The following TMPRSS3 variants were observed in gnomAD, a reference collection of about 807,000 sequenced individuals.
The protein encoded by TMPRSS3 is transmembrane protease serine 3.
A neutral mutation model predicts 59.6 loss-of-function variants in TMPRSS3; 55 were observed. The observed-to-expected ratio is 0.92, with a 90% CI of 0.74 to 1.16. TMPRSS3 has a LOEUF of 1.16. Among genes scored for constraint, TMPRSS3 ranks in the 50% most tolerant of loss-of-function variants. TMPRSS3 has a pLI of 0.00. For missense variants in TMPRSS3, 596 were observed against 579.4 expected, an observed-to-expected ratio of 1.03 and a Z score of -0.29; for synonymous variants, 257 against 237.7, an observed-to-expected ratio of 1.08 and a Z score of -0.75.
intron 10 of TMPRSS3, among the ~76,000 whole-genome samples, chr21:42,378,020 G>C (rs904637724): frequency 2.0e-5 from 3 of 152,220 alleles, no homozygotes; most frequent in Non-Finnish European, 4.4e-5. Flanking sequence ...TGGTTGGTCC[G>C]GAATGAGAGC....
At chr21:42,379,763 G>T (rs55845502) in intron 10 of TMPRSS3, among the ~76,000 whole-genome samples, 2 of 152,056 alleles carry the variant, frequency 1.3e-5, no homozygotes, top group African/African-American at 4.8e-5. Flanking sequence ...TCACAAATAC[G>T]AATCTTTGAG....
At chr21:42,380,458 A>G (rs771777135) in intron 9 of TMPRSS3, among the ~76,000 whole-genome samples, 1 of 152,202 alleles carries the variant, frequency 6.6e-6, no homozygotes, top group East Asian at 1.9e-4. Context: ...GACCAGGGTC[A>G]GCACACCTTT....
In TMPRSS3 at chr21:42,388,612, A is replaced by G; in HGVS notation, c.323-86T>C. The G allele has an allele frequency of 6.3e-7, 1 of 1,599,086 alleles. No homozygotes were observed. The highest frequency in any genetic ancestry group is 8.6e-7 in the Non-Finnish European group (1 of 1,169,296). The stretch of plus-strand genomic sequence containing the variant: ...AGGGGTTTCTCCACAGCCAGCTCAA[A>G]CCCCTCCTCTGCCAAATCTGACCCA... On this transcript the variant is annotated intron_variant, in intron 4 of 12. Coordinates refer to ENST00000644384, the MANE Select transcript of TMPRSS3 (RefSeq NM_001256317.3). The surrounding 1 kb of genome is among the most constrained non-coding windows in gnomAD (Gnocchi z 5.1).
intron 12 of TMPRSS3, among the ~76,000 whole-genome samples, chr21:42,373,179 G>A (rs992734893): frequency 4.6e-5 from 7 of 152,144 alleles, no homozygotes; most frequent in African/African-American, 9.7e-5. Context: ...ACACTTCCCC[G>A]CAAGACAGTG....
At chr21:42,392,245 A>T (rs225313) in intron 2 of TMPRSS3, among the ~76,000 whole-genome samples, 54,197 of 152,060 alleles carry the variant, frequency 0.36, 10,682 homozygotes, top group African/African-American at 0.53. Context: ...GGAGTGTGAT[A>T]ATGAAATGAT....
At chr21:42,384,131 A>T in intron 6 of TMPRSS3, 118 bp from the exon 7 acceptor site, 2 of 925,826 alleles carry the variant, frequency 2.2e-6, no homozygotes, top group Non-Finnish European at 3.3e-6. Flanking sequence ...CTCTTTGAAT[A>T]TAGATTACAA....
At chr21:42,378,382 T>G (rs2052464680) in intron 10 of TMPRSS3, among the ~76,000 whole-genome samples, 1 of 152,246 alleles carries the variant, frequency 6.6e-6, no homozygotes, top group Non-Finnish European at 1.5e-5. Context: ...TACCTGCCAC[T>G]ATGGAGCCCA....
Position 42,375,698 on chromosome 21 carries a change from G to A in TMPRSS3, c.1344+18C>T. The A allele has an allele frequency of 6.2e-7, 1 of 1,613,664 alleles. No individual in the cohort carries two copies. On this transcript the variant is annotated intron_variant, in intron 12 of 12. Coordinates refer to ENST00000644384, the MANE Select transcript of TMPRSS3 (RefSeq NM_001256317.3). ...AAAAGCCAGGGACAACGTGAGCTGG[G>A]GAGGGCGCCGCACCCACCTCCATCT...
Position 42,384,005 on chromosome 21 carries a change from C to A in TMPRSS3, c.581G>T (p.Cys194Phe), listed in dbSNP as rs1333651774. Residue 194 changes from cysteine to phenylalanine, a missense_variant, in exon 7 of 13, where the codon TGT (cysteine) becomes TTT (phenylalanine). Coordinates refer to ENST00000644384, the MANE Select transcript of TMPRSS3 (RefSeq NM_001256317.3). ...LHHSVYVREG[C>F]ASGHVVTLQC... ...CAAGGTAACCACGTGGCCAGAGGCACATCCCTCCCTAAAGCGGAGAAAAAG... is the reference window on the plus strand; with the variant it reads ...CAAGGTAACCACGTGGCCAGAGGCAAATCCCTCCCTAAAGCGGAGAAAAAG... The A allele has an allele frequency of 3.7e-6, 6 of 1,613,934 alleles. No homozygotes were observed. The South Asian group carries it at 4.4e-5, about 12-fold the overall frequency.
At chr21:42,392,763 C>T (rs1325279668) in intron 2 of TMPRSS3, among the ~76,000 whole-genome samples, 22 of 152,186 alleles carry the variant, frequency 1.4e-4, no homozygotes, top group Admixed American at 1.4e-3. Context: ...GCAGGAACCC[C>T]AGGAATGACA....
intron 7 of TMPRSS3, chr21:42,383,653 C>G: frequency 1.7e-6 from 1 of 588,478 alleles, no homozygotes; most frequent in East Asian, 3.2e-5. Context: ...CTGGAGTGGG[C>G]ACTGTGCACG....
chr21:42,372,455 G>A lies in TMPRSS3; in HGVS notation c.*307C>T. 1.8e-6 allele frequency: 1 copy of A among 553,858 alleles called. No individual in the cohort carries two copies. The allele number at this position is 553,858 out of a possible 1,614,324, so 34.3% of individuals were successfully genotyped here. A position where few individuals can be genotyped will look rare whatever the true frequency, so the allele number is the denominator to read the frequency against. ...GGCACCTGTGGTCCCAGCTACTGGG[G>A]AAGCTGAGGCAAGAGAATCGCTTGA... On this transcript the variant is annotated 3_prime_UTR_variant, in exon 13 of 13. Coordinates refer to ENST00000644384, the MANE Select transcript of TMPRSS3 (RefSeq NM_001256317.3).
chr21:42,383,331 A>G, intron 7 of TMPRSS3, 133 bp from the exon 8 acceptor site: 1 of 968,658 alleles, frequency 1.0e-6, no homozygotes, highest in Admixed American at 2.0e-5. Context: ...CAGCTCTAAG[A>G]CAAGTGCTGC....
chr21:42,389,581 G>T (rs142354408), intron 3 of TMPRSS3, among the ~76,000 whole-genome samples: 1 of 152,220 alleles, frequency 6.6e-6, no homozygotes, highest in Non-Finnish European at 1.5e-5. Context: ...CAGCTGGTGC[G>T]CCTGCATTGC....
intron 10 of TMPRSS3, among the ~76,000 whole-genome samples, chr21:42,379,908 A>T (rs2052493990): frequency 6.6e-6 from 1 of 152,212 alleles, no homozygotes; most frequent in African/African-American, 2.4e-5. Flanking sequence ...GAAGGTCTGC[A>T]GGGTCATGTT....
chr21:42,375,265 C>A (rs2052404366), intron 12 of TMPRSS3, among the ~76,000 whole-genome samples: 1 of 140,340 alleles, frequency 7.1e-6, no homozygotes, highest in Non-Finnish European at 1.5e-5. Flanking sequence ...GCTCCCCAAG[C>A]CTCTCCTGAC....
At chr21:42,394,774 C>T (rs1292542778) in intron 2 of TMPRSS3, among the ~76,000 whole-genome samples, 1 of 152,194 alleles carries the variant, frequency 6.6e-6, no homozygotes, top group Non-Finnish European at 1.5e-5. Context: ...TTGACCAGTC[C>T]TGACTATCTC....
Position 42,388,855 on chromosome 21 carries a change from T to A in TMPRSS3, c.322+74A>T, listed in dbSNP as rs225432. 794,491 of 1,317,398 alleles carry A rather than the reference T, an allele frequency of 0.6. 252,547 individuals carry two copies. Among genetic ancestry groups the A allele is most frequent in the Admixed American group, 0.68 (40,436 of 59,590 alleles). 81.6% of individuals were successfully genotyped at this position (1,317,398 alleles called of 1,614,324 possible). The stretch of plus-strand genomic sequence containing the variant: ...AAAATGGCAATGACTTGGACCCATT[T>A]TACAGATGGGAAGGGTCAGGGTTGG... On this transcript the variant is annotated intron_variant, in intron 4 of 12. Transcript: ENST00000644384. This position sits in a 1 kb window ranked among gnomAD's most constrained non-coding sequence, Gnocchi z 5.1.
intron 1 of TMPRSS3, chr21:42,395,669 C>CAAAAAAAAAAAA (rs138713556): frequency 1.2e-5 from 3 of 243,596 alleles, no homozygotes; most frequent in Admixed American, 6.9e-5. Context: ...CTAGAATTAG[C>CAAAAAAAAAAAA]AAAAAAAAAA....
Sources: allele counts gnomAD v4.1 joint callset (sites outside exome capture counted in the v4.1 genomes callset), GRCh38; gene constraint gnomAD v4.1.1; non-coding constraint Gnocchi (gnomAD v3.1); transcripts MANE v1.5; gene names NCBI Gene and HGNC (gene_info 2026-07-23, HGNC 2026-07-21).